The following RPS6KC1 variants were observed in gnomAD, a reference collection of about 807,000 sequenced individuals.
RPS6KC1 encodes the protein inactive ribosomal protein S6 kinase delta-1.
RPS6KC1 carries 54 observed loss-of-function variants against 103.8 expected under a neutral mutation model. The ratio of observed to expected loss-of-function variants is 0.52; its 90% confidence interval spans 0.42 to 0.65. The LOEUF (loss-of-function observed/expected upper bound fraction) is 0.65. Ranked by LOEUF, RPS6KC1 falls within the 30% of genes least tolerant of loss-of-function variation. RPS6KC1 has a pLI of 0.00. For missense variants in RPS6KC1, 1,151 were observed against 1,253.8 expected (o/e 0.92, Z 1.24); for synonymous variants, 439 against 438.7 (o/e 1.00, Z -0.01).
chr1:213,077,029 C>T (rs1231006753), intron 2 of RPS6KC1, among the ~76,000 whole-genome samples: 1 of 152,098 alleles, frequency 6.6e-6, no homozygotes, highest in East Asian at 1.9e-4. Flanking sequence ...ACCACCACAC[C>T]CTGCTAGTTT....
chr1:213,671,999 C>T, the RPS6KC1 span, among the ~76,000 whole-genome samples: 1 of 151,798 alleles, frequency 6.6e-6, no homozygotes, highest in African/African-American at 2.4e-5. Flanking sequence ...TGGTCCTTGG[C>T]TCTCCACCCC....
chr1:213,617,216 G>A, the RPS6KC1 span, among the ~76,000 whole-genome samples: 1 of 152,132 alleles, frequency 6.6e-6, no homozygotes, highest in Non-Finnish European at 1.5e-5. Flanking sequence ...TGGCTACTTG[G>A]CATAATTTCC....
At chr1:213,120,371 TCAGA>T (rs1306512030) in intron 5 of RPS6KC1, among the ~76,000 whole-genome samples, 2 of 152,186 alleles carry the variant, frequency 1.3e-5, no homozygotes, top group Non-Finnish European at 2.9e-5. Flanking sequence ...GATCAAAGTG[TCAGA>T]CAGCTTGCAA....
chr1:213,826,599 T>G, the RPS6KC1 span, among the ~76,000 whole-genome samples: 1 of 152,212 alleles, frequency 6.6e-6, no homozygotes. Context: ...AATTTTAAGA[T>G]GGCAAAAGCA....
chr1:213,688,629 TC>T, the RPS6KC1 span, among the ~76,000 whole-genome samples: 4 of 152,214 alleles, frequency 2.6e-5, no homozygotes, highest in African/African-American at 9.6e-5. Context: ...GGGATGACTA[TC>T]CCAACTGCTC....
chr1:213,081,494 A>G (rs924210794), intron 3 of RPS6KC1, among the ~76,000 whole-genome samples: 1 of 152,178 alleles, frequency 6.6e-6, no homozygotes, highest in African/African-American at 2.4e-5. Context: ...TTGGGGATCA[A>G]ATTTCAACAT....
intron 14 of RPS6KC1, among the ~76,000 whole-genome samples, chr1:213,265,332 T>G (rs780254889): frequency 1.2e-4 from 19 of 152,230 alleles, no homozygotes; most frequent in South Asian, 2.1e-4. Flanking sequence ...ACTAATTAAA[T>G]TGACTTTAGT....
At chr1:213,546,290 G>C in the RPS6KC1 span, 1 of 152,200 alleles carries the variant, frequency 6.6e-6, no homozygotes, top group Non-Finnish European at 1.5e-5. Context: ...TAGGCACAAA[G>C]CTGATCATTC....
intron 14 of RPS6KC1, among the ~76,000 whole-genome samples, chr1:213,263,530 A>C (rs1316640399): frequency 6.6e-6 from 1 of 152,176 alleles, no homozygotes; most frequent in African/African-American, 2.4e-5. Context: ...TGGGATCCTT[A>C]TGCTTTTATG....
At chr1:213,087,880 C>T (rs1429369045) in intron 3 of RPS6KC1, among the ~76,000 whole-genome samples, 1 of 152,174 alleles carries the variant, frequency 6.6e-6, no homozygotes, top group Non-Finnish European at 1.5e-5. Context: ...CTTGTTCCCC[C>T]TCCCTGCCAA....
chr1:213,167,489 C>CACACACACACACACACACACACAA (rs141541042), intron 6 of RPS6KC1, among the ~76,000 whole-genome samples: 2 of 126,130 alleles, frequency 1.6e-5, no homozygotes, highest in African/African-American at 7.6e-5. Flanking sequence ...CACACACACA[C>CACACACACACACACACACACACAA]AACAGCTGTT....
chr1:213,241,070 G>A lies in RPS6KC1; in HGVS notation c.1594G>A (p.Glu532Lys). ...EKIEPGSLNE[E>K]PFMKTEGNGV... ...GATTGAACCAGGGTCTTTGAATGAG[G>A]AGCCCTTCATGAAGACTGAAGGGAA... is the stretch of plus-strand genomic sequence containing the variant. Residue 532 changes from glutamate to lysine, a missense_variant, in exon 11 of 15, where the codon GAG becomes AAG. Physicochemically the swap from Glu to Lys is moderately conservative, Grantham distance 56. Around this residue, in one of 3 missense-constraint regions of RPS6KC1, gnomAD observed 959 missense variants for 1,006.3 expected, o/e 0.95. Transcript: ENST00000366960. 1 of 1,613,458 alleles carries A rather than the reference G, an allele frequency of 6.2e-7. No homozygotes were observed. Among genetic ancestry groups the A allele is most frequent in the Non-Finnish European group, 8.5e-7 (1 of 1,179,904 alleles).
At chr1:213,291,244 G>A in the RPS6KC1 span, among the ~76,000 whole-genome samples, 1 of 152,210 alleles carries the variant, frequency 6.6e-6, no homozygotes, top group Non-Finnish European at 1.5e-5. Context: ...CTAAGAAGAA[G>A]GGTAGATTCC....
At chr1:213,231,809 TAAGAA>T (rs1364343078) in intron 9 of RPS6KC1, among the ~76,000 whole-genome samples, 2 of 152,198 alleles carry the variant, frequency 1.3e-5, no homozygotes, top group African/African-American at 2.4e-5. Context: ...AAATAAAACT[TAAGAA>T]AAGGTCACAG....
the RPS6KC1 span, among the ~76,000 whole-genome samples, chr1:213,642,678 T>C: frequency 6.6e-6 from 1 of 152,070 alleles, no homozygotes. Context: ...GTGTACTTTA[T>C]TGTAATGAAG....
At chr1:213,484,210 C>A in the RPS6KC1 span, among the ~76,000 whole-genome samples, 2 of 152,184 alleles carry the variant, frequency 1.3e-5, no homozygotes, top group African/African-American at 4.8e-5. Flanking sequence ...CACTGCATAA[C>A]CAGTTACCCA....
the RPS6KC1 span, among the ~76,000 whole-genome samples, chr1:213,404,631 G>C: frequency 6.6e-6 from 1 of 152,146 alleles, no homozygotes; most frequent in Non-Finnish European, 1.5e-5. Context: ...GGTGGCGGGT[G>C]AAGCAATGTT....
the RPS6KC1 span, among the ~76,000 whole-genome samples, chr1:213,551,828 G>A: frequency 6.6e-6 from 1 of 152,106 alleles, no homozygotes; most frequent in Admixed American, 6.6e-5. Flanking sequence ...TATTTTCATT[G>A]CTCAAAAATT....
chr1:213,533,561 C>T, the RPS6KC1 span, among the ~76,000 whole-genome samples: 1 of 152,172 alleles, frequency 6.6e-6, no homozygotes, highest in Admixed American at 6.5e-5. Context: ...TGAGAACACA[C>T]AGAACTCTCC....
Sources: allele counts gnomAD v4.1 joint callset (sites outside exome capture counted in the v4.1 genomes callset), GRCh38; gene constraint gnomAD v4.1.1; regional missense constraint gnomAD v4.1.1; transcripts MANE v1.5; gene names NCBI Gene and HGNC (gene_info 2026-07-23, HGNC 2026-07-21).